The following IPMK variants were observed in gnomAD, a reference collection of about 807,000 sequenced individuals.
IPMK encodes inositol 1,3,4,6-tetrakisphosphate 5-kinase.
Under a neutral mutation model 45.8 loss-of-function variants are expected in IPMK, and 17 were observed. The observed-to-expected ratio is 0.37, with a 90% CI of 0.25 to 0.56. IPMK has a LOEUF of 0.56. IPMK is among the 20% of genes least tolerant of loss of function. The probability of loss-of-function intolerance (pLI) is 0.79; values close to 1 mark genes in which losing one functional copy is unlikely to be tolerated. For synonymous variants in IPMK, 180 were observed against 184.3 expected, an observed-to-expected ratio of 0.98 and a Z score of 0.19; for missense variants, 399 against 498.0, an observed-to-expected ratio of 0.80 and a Z score of 1.89.
intron 1 of IPMK, 48 bp downstream of exon 1, chr10:58,267,374 T>A: frequency 6.3e-7 from 1 of 1,591,316 alleles, no homozygotes; most frequent in Non-Finnish European, 8.6e-7. Context: ...GACAGGGGGC[T>A]CGCACAGGCG....
intron 2 of IPMK, among the ~76,000 whole-genome samples, chr10:58,233,136 C>G (rs982451839): frequency 3.9e-5 from 6 of 152,168 alleles, no homozygotes; most frequent in Admixed American, 6.5e-5. Flanking sequence ...CGTTGCACCT[C>G]TGAATAGACC....
At chr10:58,216,071 C>T (rs1020577451) in intron 4 of IPMK, 74 bp downstream of exon 4, 9 of 946,748 alleles carry the variant, frequency 9.5e-6, no homozygotes, top group African/African-American at 6.8e-5. Context: ...ATTAGTACTA[C>T]AATGACATCC....
chr10:58,197,407 T>C (rs1837918111), intron 5 of IPMK, among the ~76,000 whole-genome samples: 1 of 150,346 alleles, frequency 6.7e-6, no homozygotes, highest in South Asian at 2.1e-4. Flanking sequence ...TCCCAGCACT[T>C]TGGGAGGCCG....
intron 1 of IPMK, among the ~76,000 whole-genome samples, chr10:58,243,569 C>T (rs1343794777): frequency 1.3e-5 from 2 of 152,316 alleles, no homozygotes; most frequent in South Asian, 4.1e-4. Context: ...GAGGTTTCCC[C>T]GTGTTGACTG....
At chr10:58,255,349 C>T (rs1838949312) in intron 1 of IPMK, among the ~76,000 whole-genome samples, 1 of 152,192 alleles carries the variant, frequency 6.6e-6, no homozygotes, top group African/African-American at 2.4e-5. Context: ...AAACATCCAC[C>T]TCCAATTCTC....
At chr10:58,254,949 C>T (rs1838941928) in intron 1 of IPMK, among the ~76,000 whole-genome samples, 1 of 152,332 alleles carries the variant, frequency 6.6e-6, no homozygotes, top group Admixed American at 6.5e-5. Context: ...TTAAACACTG[C>T]CACAGAACTA....
intron 1 of IPMK, among the ~76,000 whole-genome samples, chr10:58,245,467 C>T (rs1164434262): frequency 6.6e-6 from 1 of 151,270 alleles, no homozygotes; most frequent in Non-Finnish European, 1.5e-5. Flanking sequence ...CAAAAATTAG[C>T]CAGGGGTGGT....
chr10:58,263,455 C>T (rs778750878), intron 1 of IPMK, among the ~76,000 whole-genome samples: 11 of 151,212 alleles, frequency 7.3e-5, no homozygotes, highest in Non-Finnish European at 1.6e-4. Context: ...ACCTGGGAGG[C>T]GGAGGTTGCA....
chr10:58,244,614 G>A (rs1274438039), intron 1 of IPMK, among the ~76,000 whole-genome samples: 1 of 149,256 alleles, frequency 6.7e-6, no homozygotes, highest in Non-Finnish European at 1.5e-5. Context: ...GGGGAAATGT[G>A]GGGAAAAGAA....
At chr10:58,246,257 C>T (rs1395371247) in intron 1 of IPMK, among the ~76,000 whole-genome samples, 1 of 150,896 alleles carries the variant, frequency 6.6e-6, no homozygotes, top group African/African-American at 2.5e-5. Context: ...CAATGCCATC[C>T]TCATCAAGCT....
chr10:58,251,859 C>T (rs1838885271), intron 1 of IPMK, among the ~76,000 whole-genome samples: 1 of 152,202 alleles, frequency 6.6e-6, no homozygotes, highest in African/African-American at 2.4e-5. Context: ...TACTTTCAAT[C>T]TGTGCATGTC....
At chr10:58,265,413 A>G (rs1236381860) in intron 1 of IPMK, among the ~76,000 whole-genome samples, 1 of 152,218 alleles carries the variant, frequency 6.6e-6, no homozygotes, top group African/African-American at 2.4e-5. Context: ...TAAATGATGT[A>G]AACTGTACAT....
chr10:58,234,937 C>T (rs1033739326), intron 2 of IPMK, among the ~76,000 whole-genome samples: 15 of 152,058 alleles, frequency 9.9e-5, no homozygotes, highest in Non-Finnish European at 1.5e-4. Flanking sequence ...GGCTAATATC[C>T]GGAATCTACA....
intron 2 of IPMK, among the ~76,000 whole-genome samples, chr10:58,234,997 G>T (rs770261557): frequency 5.9e-5 from 9 of 152,164 alleles, no homozygotes; most frequent in South Asian, 2.1e-4. Flanking sequence ...CCATCAAAAA[G>T]GGGGCAAAGG....
intron 1 of IPMK, among the ~76,000 whole-genome samples, chr10:58,256,590 G>T (rs1490299820): frequency 1.3e-5 from 2 of 152,096 alleles, no homozygotes; most frequent in African/African-American, 2.4e-5. Context: ...TGAAGCATGT[G>T]ATCTTTGTGA....
chr10:58,264,483 A>C (rs1422461265), intron 1 of IPMK, among the ~76,000 whole-genome samples: 3 of 152,204 alleles, frequency 2.0e-5, no homozygotes, highest in Admixed American at 6.5e-5. Context: ...TCAGATTTCC[A>C]TCATTTGTTT....
chr10:58,253,709 G>C (rs1838918624), intron 1 of IPMK, among the ~76,000 whole-genome samples: 2 of 138,822 alleles, frequency 1.4e-5, no homozygotes, highest in Non-Finnish European at 3.0e-5. Flanking sequence ...AATCCAGCCT[G>C]AGCGACAGAG....
At chr10:58,252,568 C>G (rs986798803) in intron 1 of IPMK, among the ~76,000 whole-genome samples, 2 of 150,072 alleles carry the variant, frequency 1.3e-5, no homozygotes, top group Non-Finnish European at 3.0e-5. Context: ...AACATAATAC[C>G]AAATAGTTAA....
intron 1 of IPMK, among the ~76,000 whole-genome samples, chr10:58,266,617 A>G (rs1350057335): frequency 6.6e-6 from 1 of 152,168 alleles, no homozygotes; most frequent in African/African-American, 2.4e-5. Flanking sequence ...CATCCATCAG[A>G]TTACCCCAGT....
Sources: allele counts gnomAD v4.1 joint callset (sites outside exome capture counted in the v4.1 genomes callset), GRCh38; gene constraint gnomAD v4.1.1; transcripts MANE v1.5; gene names NCBI Gene and HGNC (gene_info 2026-07-23, HGNC 2026-07-21).